Variants in PLPP5 observed in about 807,000 individuals in gnomAD.
The protein encoded by PLPP5 is phospholipid phosphatase 5.
PLPP5 carries 29 observed loss-of-function variants against 23.6 expected under a neutral mutation model. The ratio of observed to expected loss-of-function variants is 1.23; its 90% CI spans 0.92 to 1.68. PLPP5 has a LOEUF of 1.68. PLPP5 is among the 40% of genes most tolerant of loss of function. The probability of loss-of-function intolerance (pLI) is 0.00; values close to 1 mark genes in which losing one functional copy is unlikely to be tolerated. For synonymous variants in PLPP5, 143 were observed against 131.3 expected, an observed-to-expected ratio of 1.09 and a Z score of -0.61; for missense variants, 315 against 332.1, an observed-to-expected ratio of 0.95 and a Z score of 0.40.
chr8:38,268,462 C>G lies in PLPP5; in HGVS notation c.184-1G>C. ...ACAGTGGAGAGAGAAATGCAATAAC[C>G]TGAATCAGAATGTCAGAGGTTAAAA... On this transcript the variant is annotated splice_acceptor_variant, in intron 2 of 6. Transcript: ENST00000424479. LOFTEE classifies it high-confidence loss of function. The G allele has an allele frequency of 6.4e-7, 1 of 1,567,976 alleles. No homozygotes were observed. The highest frequency in any genetic ancestry group is 1.9e-5 in the Admixed American group (1 of 52,878).
At chr8:38,267,493 TGCCCCAGGCAAAATAAGG>T in intron 4 of PLPP5, 102 bp from the exon 5 acceptor site, 1 of 1,394,026 alleles carries the variant, frequency 7.2e-7, no homozygotes, top group Non-Finnish European at 9.7e-7. Context: ...GGTCAAATAG[TGCCCCAGGCAAAATAAGG>T]TAACTGGCTT....
intron 3 of PLPP5, 102 bp from the exon 4 acceptor site, chr8:38,268,062 T>G (rs1807954218): frequency 6.3e-7 from 1 of 1,579,960 alleles, no homozygotes; most frequent in Admixed American, 1.8e-5. Flanking sequence ...ATGGATAGAA[T>G]CCAACCAGGC....
At position 38,266,249 on chromosome 8, in the gene PLPP5, G is replaced by A. The variant is rs757137321; in HGVS notation, c.526C>T (p.Pro176Ser). ...CTCCAAGATTTCCCACGGCCTTGTG[G>A]TGTGAAGCAGTGTAACTTCCCTGCC... ...YLAGKLHCFT[P>S]QGRGKSWRFC... The change falls in exon 6 of 7, where the codon CCA becomes TCA. Residue 176 changes from proline (P) to serine (S), a missense_variant. By Grantham distance (74) the Pro-to-Ser change is moderately conservative (BLOSUM62 -1). Transcript: ENST00000424479. 7.4e-6 allele frequency: 12 copies of A among 1,613,680 alleles called. No individual in the cohort carries two copies. The highest frequency in any genetic ancestry group is 1.7e-5 in the Admixed American group (1 of 59,968).
chr8:38,265,067 G>A, intron 6 of PLPP5: 1 of 715,060 alleles, frequency 1.4e-6, no homozygotes, highest in Non-Finnish European at 2.5e-6. Context: ...AGGAGATTGA[G>A]ACCAGCCTGA....
At chr8:38,268,140 C>T in intron 3 of PLPP5, 180 bp from the exon 4 acceptor site, 2 of 1,386,864 alleles carry the variant, frequency 1.4e-6, no homozygotes, top group Non-Finnish European at 1.9e-6. Context: ...TGTACTAGGC[C>T]AAAGACATTT....
At chr8:38,266,377 A>G (rs1807590982) in intron 5 of PLPP5, 66 bp from the exon 6 acceptor site, 1 of 1,375,256 alleles carries the variant, frequency 7.3e-7, no homozygotes, top group Admixed American at 2.1e-5. Context: ...ATCCCCACAT[A>G]GGAGGCTAGG....
chr8:38,267,417 C>G (rs1449831912), intron 4 of PLPP5, 26 bp from the exon 5 acceptor site: 1 of 1,605,692 alleles, frequency 6.2e-7, no homozygotes, highest in African/African-American at 1.3e-5. Context: ...ATGGTTGGAA[C>G]GTAAATCATT....
At chr8:38,265,086 T>G (rs1236813577) in intron 6 of PLPP5, 1 of 663,568 alleles carries the variant, frequency 1.5e-6, no homozygotes, top group Admixed American at 2.6e-5. Flanking sequence ...GACCAACAAG[T>G]GAAACCCTGT....
chr8:38,268,512 G>A, intron 2 of PLPP5, 51 bp from the exon 3 acceptor site: 2 of 1,543,912 alleles, frequency 1.3e-6, no homozygotes, highest in East Asian at 2.4e-5. Context: ...AGCCACACTC[G>A]TGCTCCTACA....
In PLPP5 at chr8:38,266,222, A is replaced by G; in HGVS notation, c.553T>C (p.Phe185Leu). The G allele has an allele frequency of 6.2e-7, 1 of 1,613,888 alleles. No homozygotes were observed. The highest frequency in any genetic ancestry group is 2.2e-5 in the East Asian group (1 of 44,884). Residue 185 changes from phenylalanine (F) to leucine (L), a missense_variant, in exon 6 of 7, where the codon TTC (phenylalanine) becomes CTC (leucine). Transcript: ENST00000424479. ...TPQGRGKSWRFCAFLSPLLFA... is the reference protein window; with the variant it reads ...TPQGRGKSWRLCAFLSPLLFA... ...AGTAGAGGTGACAGAAAGGCACAGA[A>G]CCTCCAAGATTTCCCACGGCCTTGT... is the stretch of plus-strand genomic sequence containing the variant.
At chr8:38,267,805 T>A in intron 4 of PLPP5, 92 bp downstream of exon 4, 1 of 1,268,100 alleles carries the variant, frequency 7.9e-7, no homozygotes. Flanking sequence ...GAGAAAAGAA[T>A]GAGAAAGACG....
intron 4 of PLPP5, 101 bp from the exon 5 acceptor site, chr8:38,267,492 G>A: frequency 7.1e-7 from 1 of 1,408,424 alleles, no homozygotes; most frequent in Non-Finnish European, 9.7e-7. Flanking sequence ...TGGTCAAATA[G>A]TGCCCCAGGC....
At chr8:38,264,736 T>C (rs918158582) in intron 6 of PLPP5, 132 bp from the exon 7 acceptor site, 25 of 1,445,328 alleles carry the variant, frequency 1.7e-5, no homozygotes, top group East Asian at 1.2e-4. Flanking sequence ...TCCAGACTTA[T>C]GATTTCTAAA....
chr8:38,267,138 C>T, intron 5 of PLPP5, 129 bp downstream of exon 5: 1 of 1,555,038 alleles, frequency 6.4e-7, no homozygotes, highest in Non-Finnish European at 8.7e-7. Flanking sequence ...TGTGGAGTTA[C>T]TAAAGAAGGG....
rs1483810694 is a variant in PLPP5 at position 38,267,322 on chromosome 8, C to G, written c.408G>C (p.Gly136=). Residue 136 remains glycine, a synonymous_variant, in exon 5 of 7, where the codon GGG becomes GGC. Transcript: ENST00000424479. ...GLAHSDLMCT[G]DKDVVNEGRK... is the part of the protein sequence containing the mutation. ...GGCCCTCATTCACCACGTCCTTATC[C>G]CCTGTACACATCAAGTCAGAATGGG... The G allele has an allele frequency of 1.9e-6, 3 of 1,613,986 alleles. No individual in the cohort carries two copies. The highest frequency in any genetic ancestry group is 1.7e-6 in the Non-Finnish European group (2 of 1,179,888).
Position 38,268,210 on chromosome 8 carries a change from AAC to A in PLPP5, c.274+159_274+160del, listed in dbSNP as rs1808005899. On this transcript the variant is annotated intron_variant, in intron 3 of 6. Coordinates refer to ENST00000424479, the MANE Select transcript of PLPP5 (RefSeq NM_001102559.2). Reference sequence around the variant, plus strand: ...GGGCTGCCTGCCGTGTAGCCTGCGTAACCAAGTCCCTGCAGTGCTATTTTCCT... The same window carrying A: ...GGGCTGCCTGCCGTGTAGCCTGCGTACAAGTCCCTGCAGTGCTATTTTCCT... The A allele has an allele frequency of 3.4e-5, 36 of 1,070,434 alleles. No homozygotes were observed. The South Asian group carries it at 5.4e-4, about 16-fold the overall frequency. 66.3% of individuals were successfully genotyped at this position (1,070,434 alleles called of 1,614,324 possible).
At chr8:38,266,883 G>T in intron 5 of PLPP5, 1 of 288,676 alleles carries the variant, frequency 3.5e-6, no homozygotes, top group Non-Finnish European at 5.9e-6. Context: ...TCTATAAATG[G>T]GACTCATAAA....
intron 3 of PLPP5, 129 bp downstream of exon 3, chr8:38,268,242 C>T (rs529867622): frequency 3.7e-6 from 4 of 1,082,012 alleles, no homozygotes; most frequent in African/African-American, 1.6e-5. Flanking sequence ...TTTCCTCTCC[C>T]GCGGGGATAG....
chr8:38,269,108 G>A lies in PLPP5; in HGVS notation c.74+18C>T. ...TGGGAAGCGGGGCCGCCCGGGCCCG[G>A]CCGTGGATCTTTCTTACAGGAAGGC... is the stretch of plus-strand genomic sequence containing the variant. On this transcript the variant is annotated intron_variant, in intron 1 of 6. Transcript: ENST00000424479. 1 of 1,525,872 alleles carries A rather than the reference G, an allele frequency of 6.6e-7. No individual in the cohort carries two copies. The highest frequency in any genetic ancestry group is 8.8e-7 in the Non-Finnish European group (1 of 1,141,636). The allele number at this position is 1,525,872 out of a possible 1,614,324, so 94.5% of individuals were successfully genotyped here.
Sources: gnomAD v4.1 joint callset for allele counts on GRCh38, gnomAD v4.1.1 for gene constraint, MANE v1.5 for transcripts, NCBI Gene and HGNC (gene_info 2026-07-23, HGNC 2026-07-21) for gene names.